Variants in CCDC149 observed in about 807,000 individuals in gnomAD.
CCDC149 encodes the protein coiled-coil domain containing 149.
Under a neutral mutation model 59.9 loss-of-function variants are expected in CCDC149, and 45 were observed. That is an observed-to-expected ratio of 0.75 (90% CI 0.59 to 0.96). The LOEUF is 0.96. CCDC149 is among the 40% of genes least tolerant of loss of function. The pLI is 0.00. For synonymous variants in CCDC149, 245 were observed against 260.6 expected, an observed-to-expected ratio of 0.94 and a Z score of 0.58; for missense variants, 584 against 664.7, an observed-to-expected ratio of 0.88 and a Z score of 1.33.
intron 4 of CCDC149, among the ~76,000 whole-genome samples, chr4:24,841,843 C>G (rs1435321712): frequency 1.3e-5 from 2 of 152,136 alleles, no homozygotes; most frequent in Admixed American, 6.5e-5. Flanking sequence ...TAAATGAACA[C>G]TGAACTCAGG....
upstream of CCDC149, among the ~76,000 whole-genome samples, chr4:24,916,558 C>T (rs1443534488): frequency 6.6e-6 from 1 of 152,164 alleles, no homozygotes; most frequent in Non-Finnish European, 1.5e-5. Flanking sequence ...CTTCTCCAGA[C>T]AGTATTTCAG....
chr4:24,808,973 G>A (rs1039939635), intron 12 of CCDC149, among the ~76,000 whole-genome samples, 154 bp from the exon 13 acceptor site: 5 of 152,206 alleles, frequency 3.3e-5, no homozygotes, highest in African/African-American at 1.2e-4. Context: ...TGGAGCCAAA[G>A]GGGAACACAG....
intron 1 of CCDC149, among the ~76,000 whole-genome samples, chr4:24,938,187 A>C (rs1436718846): frequency 6.6e-6 from 1 of 152,224 alleles, no homozygotes; most frequent in Non-Finnish European, 1.5e-5. Context: ...TGTGTCATGC[A>C]TCAATTACAG....
At chr4:24,914,208 G>C (rs2109332174), upstream of CCDC149, among the ~76,000 whole-genome samples, 1 of 152,232 alleles carries the variant, frequency 6.6e-6, no homozygotes, top group East Asian at 1.9e-4. Flanking sequence ...GGAAATCTAA[G>C]AATGAAGTAT....
chr4:24,960,392 A>G (rs1376507643), intron 1 of CCDC149, among the ~76,000 whole-genome samples: 3 of 152,206 alleles, frequency 2.0e-5, no homozygotes, highest in East Asian at 3.8e-4. Context: ...GTCCCAAAGA[A>G]GACAGAAACA....
chr4:24,864,000 C>T (rs934833134), intron 3 of CCDC149, among the ~76,000 whole-genome samples: 1 of 152,058 alleles, frequency 6.6e-6, no homozygotes, highest in Non-Finnish European at 1.5e-5. Flanking sequence ...GAGGGGCACC[C>T]TTTCTGCAGA....
At chr4:24,832,604 T>C (rs1577391761) in intron 8 of CCDC149, among the ~76,000 whole-genome samples, 3 of 152,172 alleles carry the variant, frequency 2.0e-5, no homozygotes, top group African/African-American at 7.2e-5. Context: ...TGGATGGCTC[T>C]GATAGAAAAT....
intron 1 of CCDC149, among the ~76,000 whole-genome samples, chr4:24,955,485 G>T (rs1200746343): frequency 2.0e-5 from 3 of 152,126 alleles, no homozygotes; most frequent in African/African-American, 7.2e-5. Context: ...ACAAAAGAAT[G>T]AGTTAGAAAA....
intron 1 of CCDC149, among the ~76,000 whole-genome samples, chr4:24,923,233 C>T (rs367888888): frequency 7.9e-5 from 12 of 152,136 alleles, no homozygotes; most frequent in African/African-American, 2.9e-4. Context: ...ACTTCTGTGG[C>T]CACAAGCCTA....
At chr4:24,938,985 A>G (rs1722867487) in intron 1 of CCDC149, among the ~76,000 whole-genome samples, 1 of 152,114 alleles carries the variant, frequency 6.6e-6, no homozygotes, top group Admixed American at 6.5e-5. Context: ...ACAGACAAAC[A>G]AAAGACAGCA....
At position 24,813,489 on chromosome 4, in the gene CCDC149, A is replaced by AATATATATATAT. The variant is rs57650226; in HGVS notation, c.1193-4682_1193-4671dup. On this transcript the variant is annotated intron_variant, in intron 12 of 12. Coordinates refer to ENST00000635206, the MANE Select transcript of CCDC149 (RefSeq NM_001330643.2). Reference sequence around the variant, plus strand: ...TATATCCCCAAGGTTCAGCTTGGGGAATATATATATATATATATATATATA... The same window carrying AATATATATATAT: ...TATATCCCCAAGGTTCAGCTTGGGGAATATATATATATATATATATATATATATATATATATA... Among the ~76,000 whole-genome samples, 699 of 113,570 alleles carry AATATATATATAT rather than the reference A, an allele frequency of 6.2e-3. 4 individuals carry two copies. Among genetic ancestry groups the AATATATATATAT allele is most frequent in the Non-Finnish European group, 9.5e-3 (558 of 58,864 alleles). The allele number at this position is 113,570 out of a possible 152,430, so 74.5% of individuals were successfully genotyped here. A position where few individuals can be genotyped will look rare whatever the true frequency, so the allele number is the denominator to read the frequency against.
intron 4 of CCDC149, among the ~76,000 whole-genome samples, chr4:24,846,873 T>C (rs1038122145): frequency 1.3e-5 from 2 of 152,228 alleles, no homozygotes; most frequent in Admixed American, 6.5e-5. Flanking sequence ...CACTGTATTA[T>C]TGGTCCTCTG....
At chr4:24,855,598 GAA>G (rs1658902404) in intron 3 of CCDC149, among the ~76,000 whole-genome samples, 1 of 140,320 alleles carries the variant, frequency 7.1e-6, no homozygotes, top group African/African-American at 2.7e-5. Context: ...GAAGAAAAAA[GAA>G]AAAAAAGAAA....
chr4:24,916,787 G>GGTGGGTGTGTGTGT (rs1553861265), upstream of CCDC149, among the ~76,000 whole-genome samples: 3 of 141,922 alleles, frequency 2.1e-5, no homozygotes, highest in African/African-American at 7.8e-5. Flanking sequence ...GGTTTATAAT[G>GGTGGGTGTGTGTGT]GTGTGTGTGT....
chr4:24,954,420 G>T (rs1317349494), intron 1 of CCDC149, among the ~76,000 whole-genome samples: 1 of 152,198 alleles, frequency 6.6e-6, no homozygotes, highest in Non-Finnish European at 1.5e-5. Flanking sequence ...TCCGTGGTAG[G>T]TCTCTGCCTG....
intron 1 of CCDC149, among the ~76,000 whole-genome samples, chr4:24,894,760 A>C (rs962697149): frequency 1.3e-5 from 2 of 151,768 alleles, no homozygotes; most frequent in African/African-American, 4.8e-5. Flanking sequence ...AATGGTTATT[A>C]GGATGTTTAG....
intron 1 of CCDC149, among the ~76,000 whole-genome samples, chr4:24,896,534 G>A (rs906605923): frequency 6.6e-6 from 1 of 151,972 alleles, no homozygotes; most frequent in Non-Finnish European, 1.5e-5. Context: ...GTTCAGACAC[G>A]CTATAATACA....
At chr4:24,917,056 C>T (rs926450716), upstream of CCDC149, among the ~76,000 whole-genome samples, 5 of 152,120 alleles carry the variant, frequency 3.3e-5, no homozygotes, top group Non-Finnish European at 5.9e-5. Context: ...CTTCTCTCTC[C>T]TCCCCCTACC....
intron 1 of CCDC149, among the ~76,000 whole-genome samples, chr4:24,878,647 A>G (rs1719631389): frequency 6.6e-6 from 1 of 152,218 alleles, no homozygotes; most frequent in Admixed American, 6.5e-5. Flanking sequence ...TGACCCAAAG[A>G]CAGTCACCTT....
Sources: allele counts gnomAD v4.1 joint callset (sites outside exome capture counted in the v4.1 genomes callset), GRCh38; gene constraint gnomAD v4.1.1; transcripts MANE v1.5; gene names NCBI Gene and HGNC (gene_info 2026-07-23, HGNC 2026-07-21).